PRKG1: variants seen among roughly 807,000 people sequenced by gnomAD.
The protein encoded by PRKG1 is protein kinase cGMP-dependent 1, also known as cGMP-dependent protein kinase 1.
A neutral mutation model predicts 88.1 loss-of-function variants in PRKG1; 35 were observed. The observed-to-expected ratio is 0.40, with a 90% CI of 0.30 to 0.53. The LOEUF (loss-of-function observed/expected upper bound fraction) is 0.53. Among genes scored for constraint, PRKG1 ranks in the 20% least tolerant of loss-of-function variants. The pLI, the probability that PRKG1 is intolerant of heterozygous loss-of-function variation, is 0.59. For synonymous variants in PRKG1, 303 were observed against 292.5 expected (o/e 1.04, Z -0.37); for missense variants, 540 against 839.8 (o/e 0.64, Z 4.41).
At chr10:51,802,855 G>A (rs1159986564) in intron 3 of PRKG1, among the ~76,000 whole-genome samples, 1 of 152,076 alleles carries the variant, frequency 6.6e-6, no homozygotes, top group Admixed American at 6.6e-5. Flanking sequence ...AGATAGCTTG[G>A]CCACAATAAA....
In PRKG1 at chr10:52,295,585, G is replaced by A. The variant is rs1197390959; in HGVS notation, c.*1685G>A. 1.3e-5 allele frequency: 2 copies of A among 151,860 alleles called. No homozygotes were observed. The highest frequency in any genetic ancestry group is 4.8e-5 in the African/African-American group (2 of 41,400). 9.4% of individuals were successfully genotyped at this position (151,860 alleles called of 1,614,324 possible). A position where few individuals can be genotyped will look rare whatever the true frequency, so the allele number is the denominator to read the frequency against. On this transcript the variant is annotated 3_prime_UTR_variant, in exon 18 of 18. Coordinates refer to ENST00000373980, the MANE Select transcript of PRKG1 (RefSeq NM_006258.4). ...TGAAGAAAAATATAGAAGCTTTCAA[G>A]CTGTCATTCTGTTTTGGCCCTGTGT... is the stretch of plus-strand genomic sequence containing the variant.
At chr10:51,334,382 C>T (rs1841821595) in intron 2 of PRKG1, among the ~76,000 whole-genome samples, 1 of 152,056 alleles carries the variant, frequency 6.6e-6, no homozygotes, top group Non-Finnish European at 1.5e-5. Flanking sequence ...TCTGCCTGCT[C>T]TAGAATGCAA....
At chr10:51,709,376 A>G (rs566185271) in intron 3 of PRKG1, among the ~76,000 whole-genome samples, 2 of 152,306 alleles carry the variant, frequency 1.3e-5, no homozygotes, top group East Asian at 1.9e-4. Flanking sequence ...TTCAGTTATT[A>G]TCATCTTTAT....
At chr10:51,178,955 G>T (rs1039192676) in intron 2 of PRKG1, among the ~76,000 whole-genome samples, 2 of 152,166 alleles carry the variant, frequency 1.3e-5, no homozygotes, top group African/African-American at 4.8e-5. Context: ...AGAGCTTAAT[G>T]CAGTAAAATG....
At chr10:51,842,510 G>A (rs189416866) in intron 4 of PRKG1, among the ~76,000 whole-genome samples, 43 of 151,994 alleles carry the variant, frequency 2.8e-4, no homozygotes, top group African/African-American at 9.9e-4. Flanking sequence ...TGGTTCCTGT[G>A]GTCTTGGTCA....
At chr10:51,991,051 T>C (rs7080748) in intron 5 of PRKG1, among the ~76,000 whole-genome samples, 33,779 of 152,128 alleles carry the variant, frequency 0.22, 5,290 homozygotes, top group African/African-American at 0.43. Flanking sequence ...AAAGATCTTT[T>C]ACCTCCTTGG....
chr10:51,399,245 A>G (rs1837666868), intron 2 of PRKG1, among the ~76,000 whole-genome samples: 1 of 152,104 alleles, frequency 6.6e-6, no homozygotes, highest in Non-Finnish European at 1.5e-5. Context: ...ATTATAAGGA[A>G]ATGGCTTAGG....
At chr10:51,125,828 G>T in intron 1 of PRKG1, among the ~76,000 whole-genome samples, 1 of 139,010 alleles carries the variant, frequency 7.2e-6, no homozygotes, top group African/African-American at 2.6e-5. Context: ...TTATAAATAT[G>T]TAATTTATAT....
chr10:51,907,721 G>A, intron 5 of PRKG1, 151 bp downstream of exon 5: 1 of 549,774 alleles, frequency 1.8e-6, no homozygotes, highest in Non-Finnish European at 3.2e-6. Context: ...GCTTCGTATA[G>A]AAAGCAGCTT....
intron 3 of PRKG1, among the ~76,000 whole-genome samples, chr10:51,656,634 C>A (rs1184938238): frequency 6.6e-6 from 1 of 152,110 alleles, no homozygotes; most frequent in African/African-American, 2.4e-5. Context: ...CATTTGCCTA[C>A]TCTCTCTTTA....
rs566796757 is a variant in PRKG1, at chr10:51,634,801, G to A, written c.592+166965G>A. The stretch of plus-strand genomic sequence containing the variant: ...CCTTTGCAGCAACATGGATGAAGAT[G>A]GAGGCCATTATTCTAAGAAAACTAA... On this transcript the variant is annotated intron_variant, in intron 3 of 17. Transcript: ENST00000373980. Among the ~76,000 whole-genome samples the A allele has an allele frequency of 2.0e-5, 3 of 152,058 alleles. No individual in the cohort carries two copies. In the South Asian group the frequency reaches 6.2e-4, roughly 32 times the overall value.
At chr10:51,831,793 C>T (rs190965845) in intron 4 of PRKG1, among the ~76,000 whole-genome samples, 15 of 152,234 alleles carry the variant, frequency 9.9e-5, no homozygotes, top group Admixed American at 2.6e-4. Flanking sequence ...CTTCCATATA[C>T]ATTGAATTGT....
chr10:51,137,426 A>G (rs1845716109), intron 1 of PRKG1, among the ~76,000 whole-genome samples: 1 of 152,130 alleles, frequency 6.6e-6, no homozygotes, highest in South Asian at 2.1e-4. Context: ...AGTCCTGGGC[A>G]TCTGTATTTT....
intron 3 of PRKG1, among the ~76,000 whole-genome samples, chr10:51,530,554 G>A (rs117364817): frequency 2.2e-3 from 342 of 152,168 alleles, no homozygotes; most frequent in Admixed American, 5.7e-3. Flanking sequence ...TTGTATTGGA[G>A]CCATTTGCCC....
chr10:51,397,878 A>G (rs1837623892), intron 2 of PRKG1, among the ~76,000 whole-genome samples: 1 of 152,172 alleles, frequency 6.6e-6, no homozygotes, highest in South Asian at 2.1e-4. Flanking sequence ...TTCCTCCTCG[A>G]AGGCAGAATG....
At chr10:51,810,104 T>C (rs1839416306) in intron 4 of PRKG1, among the ~76,000 whole-genome samples, 1 of 152,180 alleles carries the variant, frequency 6.6e-6, no homozygotes, top group African/African-American at 2.4e-5. Flanking sequence ...CTCAAAACTC[T>C]TATAAATGTC....
At chr10:52,122,572 G>A (rs1847844790) in intron 7 of PRKG1, among the ~76,000 whole-genome samples, 1 of 152,000 alleles carries the variant, frequency 6.6e-6, no homozygotes, top group Admixed American at 6.6e-5. Flanking sequence ...GATATAAGAG[G>A]AATCTACTAA....
chr10:51,234,360 A>T (rs915723089), intron 2 of PRKG1, among the ~76,000 whole-genome samples: 38 of 152,184 alleles, frequency 2.5e-4, no homozygotes, highest in African/African-American at 9.2e-4. Flanking sequence ...ATTGCACTGA[A>T]AGATAGAAGC....
In PRKG1 at chr10:51,398,996, A is replaced by G. The variant is rs369206007; in HGVS notation, c.479-68727A>G. ...TCTCAAGCCTTGGATTCAGACTGCA[A>G]CTATACCATCAGCAGTCCTGGGCCT... On this transcript the variant is annotated intron_variant, in intron 2 of 17. Transcript: ENST00000373980. 1.1e-4 allele frequency among the ~76,000 whole-genome samples: 16 copies of G among 152,284 alleles called. No homozygotes were observed. In the East Asian group the frequency reaches 2.3e-3, roughly 22 times the overall value.
Sources: allele counts gnomAD v4.1 joint callset (sites outside exome capture counted in the v4.1 genomes callset), GRCh38; gene constraint gnomAD v4.1.1; transcripts MANE v1.5; gene names NCBI Gene and HGNC (gene_info 2026-07-23, HGNC 2026-07-21).